PAAF1: variants seen among roughly 807,000 people sequenced by gnomAD.
The protein encoded by PAAF1 is proteasomal ATPase associated factor 1, also known as proteasomal ATPase-associated factor 1.
A neutral mutation model predicts 52.8 loss-of-function variants in PAAF1; 46 were observed. The observed-to-expected ratio is 0.87, with a 90% CI of 0.69 to 1.11. PAAF1 has a LOEUF of 1.11. Ranked by LOEUF, PAAF1 falls within the 50% of genes most tolerant of loss-of-function variation. PAAF1 has a pLI of 0.00. For synonymous variants in PAAF1, 178 were observed against 172.8 expected, an observed-to-expected ratio of 1.03 and a Z score of -0.24; for missense variants, 424 against 477.4, an observed-to-expected ratio of 0.89 and a Z score of 1.04.
In PAAF1 at chr11:73,930,982, G is replaced by A. The variant is rs561400046; in HGVS notation, c.*3620G>A. On this transcript the variant is annotated 3_prime_UTR_variant, in exon 12 of 12. Transcript: ENST00000310571. The stretch of plus-strand genomic sequence containing the variant: ...AACCCAAAAAATGTTAAGCATTTGA[G>A]GTGATGGATATGTTAACTGGCTTCA... 1 of 152,136 alleles carries A rather than the reference G, an allele frequency of 6.6e-6. No homozygotes were observed. Among genetic ancestry groups the A allele is most frequent in the East Asian group, 1.9e-4 (1 of 5,192 alleles). 9.4% of individuals were successfully genotyped at this position (152,136 alleles called of 1,614,324 possible). A position where few individuals can be genotyped will look rare whatever the true frequency, so the allele number is the denominator to read the frequency against.
chr11:73,886,028 CTGTTATAGACA>C (rs1171889238), intron 2 of PAAF1, among the ~76,000 whole-genome samples: 5 of 151,854 alleles, frequency 3.3e-5, no homozygotes, highest in Non-Finnish European at 4.4e-5. Flanking sequence ...GTGTTATGGG[CTGTTATAGACA>C]TGAATATATA....
chr11:73,882,040 A>C lies in PAAF1; in HGVS notation c.88+3221A>C, dbSNP rs189945151. 3.1e-3 allele frequency among the ~76,000 whole-genome samples: 470 copies of C among 151,236 alleles called. 3 individuals are homozygous for C. Among genetic ancestry groups the C allele is most frequent in the African/African-American group, 0.011 (438 of 41,228 alleles). On this transcript the variant is annotated intron_variant, in intron 2 of 11. Transcript: ENST00000310571. ...CAAGCATGTGCCACCATGCCTGGCT[A>C]ATTTTGTATTTTTTTTTTTTAATAG...
In PAAF1 at chr11:73,886,672, CAAAAAAA is replaced by C. The variant is rs55697916; in HGVS notation, c.89-662_89-656del. Among the ~76,000 whole-genome samples the C allele has an allele frequency of 6.0e-3, 204 of 34,262 alleles. 1 individual carries two copies. Among genetic ancestry groups the C allele is most frequent in the African/African-American group, 0.017 (177 of 10,466 alleles). The allele number at this position is 34,262 out of a possible 152,430, so 22.5% of individuals were successfully genotyped here. On this transcript the variant is annotated intron_variant, in intron 2 of 11. Coordinates refer to ENST00000310571, the MANE Select transcript of PAAF1 (RefSeq NM_025155.3). Reference sequence around the variant, plus strand: ...TGGGCGACAGAGCAAGACTCCATCTCAAAAAAAAAAAAAAAAAAAAAAAAAAGAAAAT... The same window carrying C: ...TGGGCGACAGAGCAAGACTCCATCTCAAAAAAAAAAAAAAAAAAAGAAAAT...
chr11:73,922,036 C>CT, intron 10 of PAAF1: 1 of 808,382 alleles, frequency 1.2e-6, no homozygotes, highest in Admixed American at 1.8e-5. Context: ...TTGAAGAAGA[C>CT]ATTGGCCTTG....
At chr11:73,895,720 T>G (rs922530055) in intron 4 of PAAF1, among the ~76,000 whole-genome samples, 3 of 149,580 alleles carry the variant, frequency 2.0e-5, no homozygotes, top group Admixed American at 1.3e-4. Flanking sequence ...TGCAGCTGGT[T>G]GTTTTTTAAT....
intron 2 of PAAF1, among the ~76,000 whole-genome samples, chr11:73,886,672 CAAA>C (rs55697916): frequency 4.1e-4 from 14 of 34,278 alleles, no homozygotes; most frequent in Non-Finnish European, 5.1e-4. Context: ...GACTCCATCT[CAAA>C]AAAAAAAAAA....
intron 6 of PAAF1, among the ~76,000 whole-genome samples, chr11:73,901,746 T>A (rs1417527042): frequency 6.6e-6 from 1 of 152,128 alleles, no homozygotes; most frequent in African/African-American, 2.4e-5. Flanking sequence ...ATTTTTGTAT[T>A]TTTAGTAGAG....
intron 4 of PAAF1, among the ~76,000 whole-genome samples, chr11:73,896,783 C>A (rs1406167370): frequency 2.6e-5 from 4 of 151,776 alleles, no homozygotes; most frequent in Non-Finnish European, 5.9e-5. Flanking sequence ...CGCCATTGTC[C>A]TCATGGCCCG....
At chr11:73,878,952 T>C (rs1188501445) in intron 2 of PAAF1, 133 bp downstream of exon 2, 2 of 678,808 alleles carry the variant, frequency 2.9e-6, no homozygotes, top group African/African-American at 3.6e-5. Flanking sequence ...CAGTCTGTAC[T>C]GTATGGCCAA....
At chr11:73,889,095 T>C (rs753281810) in intron 3 of PAAF1, 2 of 997,038 alleles carry the variant, frequency 2.0e-6, no homozygotes, top group South Asian at 1.4e-5. Flanking sequence ...AGTTTAGCAC[T>C]ACCATGCAAG....
intron 11 of PAAF1, 24 bp from the exon 12 acceptor site, chr11:73,927,261 G>A (rs935985): frequency 0.23 from 366,099 of 1,585,094 alleles, 47,461 homozygotes; most frequent in African/African-American, 0.56. Context: ...GGCTTCCTTT[G>A]AACTGTGAAT....
intron 8 of PAAF1, among the ~76,000 whole-genome samples, chr11:73,915,405 G>C (rs551729676): frequency 5.9e-5 from 9 of 152,210 alleles, no homozygotes; most frequent in Admixed American, 1.3e-4. Context: ...CCAGGAGTTC[G>C]AGACTGGCCT....
chr11:73,927,574 G>T lies in PAAF1; in HGVS notation c.*212G>T. 1.7e-6 allele frequency: 1 copy of T among 588,972 alleles called. No individual in the cohort carries two copies. The highest frequency in any genetic ancestry group is 3.0e-6 in the Non-Finnish European group (1 of 330,472). 36.5% of individuals were successfully genotyped at this position (588,972 alleles called of 1,614,324 possible). On this transcript the variant is annotated 3_prime_UTR_variant, in exon 12 of 12. Coordinates refer to ENST00000310571, the MANE Select transcript of PAAF1 (RefSeq NM_025155.3). ...GAAGGTCATTGTGCCCACTGCATTTGTTCCAACTTCTCCTTGTATAAACTC... is the reference window on the plus strand; with the variant it reads ...GAAGGTCATTGTGCCCACTGCATTTTTTCCAACTTCTCCTTGTATAAACTC...
chr11:73,926,008 G>A (rs577264673), intron 11 of PAAF1, among the ~76,000 whole-genome samples: 9 of 149,964 alleles, frequency 6.0e-5, no homozygotes, highest in South Asian at 2.1e-4. Context: ...CAGTTTGTAC[G>A]TAATTGAGAC....
At chr11:73,886,957 C>T in intron 2 of PAAF1, 1 of 414,576 alleles carries the variant, frequency 2.4e-6, no homozygotes, top group Non-Finnish European at 4.7e-6. Flanking sequence ...CTGGCATCTC[C>T]CTTCTCTCTC....
At chr11:73,925,038 C>G (rs1219689499) in intron 11 of PAAF1, among the ~76,000 whole-genome samples, 1 of 151,366 alleles carries the variant, frequency 6.6e-6, no homozygotes, top group East Asian at 1.9e-4. Context: ...GCCTGTAGTT[C>G]CAGTTACTTG....
rs114596612 is a variant in PAAF1 at position 73,923,097 on chromosome 11, G to A, written c.1019-1518G>A. Among the ~76,000 whole-genome samples the A allele has an allele frequency of 6.4e-3, 980 of 152,080 alleles. 15 individuals carry two copies. The highest frequency in any genetic ancestry group is 0.022 in the African/African-American group (919 of 41,468). On this transcript the variant is annotated intron_variant, in intron 10 of 11. Transcript: ENST00000310571. ...ATATATTTTGAAATATATCATGAGC[G>A]TCTTATTTCATCTGTTAGCATTTCT...
chr11:73,916,627 G>A lies in PAAF1; in HGVS notation c.902G>A (p.Gly301Glu). 1 of 1,614,040 alleles carries A rather than the reference G, an allele frequency of 6.2e-7. No individual in the cohort carries two copies. The highest frequency in any genetic ancestry group is 8.5e-7 in the Non-Finnish European group (1 of 1,179,948). The change falls in exon 9 of 12, where the codon GGA (glycine) becomes GAA (glutamate). Residue 301 changes from glycine to glutamate, a missense_variant. Gly to Glu is a moderately conservative substitution (Grantham distance 98, BLOSUM62 -2). Transcript: ENST00000310571. ...TTGCTATTGGCTGGGACTCAAGATG[G>A]AAACATTTATCAGCTGGATGTGAGG... is the stretch of plus-strand genomic sequence containing the variant. ...GFLLLAGTQDGNIYQLDVRSP... is the reference protein window; with the variant it reads ...GFLLLAGTQDENIYQLDVRSP...
At position 73,930,561 on chromosome 11, in the gene PAAF1, A is replaced by G. The variant is rs1320956844; in HGVS notation, c.*3199A>G. On this transcript the variant is annotated 3_prime_UTR_variant, in exon 12 of 12. Coordinates refer to ENST00000310571, the MANE Select transcript of PAAF1 (RefSeq NM_025155.3). ...CAGGAATTGGAGACCAGCCTGCACA[A>G]CATGAGGAAACTCTGTCTCTACTAA... 1 of 151,844 alleles carries G rather than the reference A, an allele frequency of 6.6e-6. No homozygotes were observed. The highest frequency in any genetic ancestry group is 1.5e-5 in the Non-Finnish European group (1 of 68,020). The allele number at this position is 151,844 out of a possible 1,614,324, so 9.4% of individuals were successfully genotyped here.
Sources: gnomAD v4.1 joint callset for allele counts (sites outside exome capture counted in the v4.1 genomes callset) on GRCh38, gnomAD v4.1.1 for gene constraint, MANE v1.5 for transcripts, NCBI Gene and HGNC (gene_info 2026-07-23, HGNC 2026-07-21) for gene names.